The following PSD3 variants were observed in gnomAD, a reference collection of about 807,000 sequenced individuals.
The protein encoded by PSD3 is PH and SEC7 domain-containing protein 3.
PSD3 carries 49 observed loss-of-function variants against 105.5 expected under a neutral mutation model. That is an observed-to-expected ratio of 0.46 (90% CI 0.37 to 0.59). PSD3 has a LOEUF of 0.59. Among genes scored for constraint, PSD3 ranks in the 20% least tolerant of loss-of-function variants. The pLI is 0.00. For synonymous variants in PSD3, 557 were observed against 457.8 expected (o/e 1.22, Z -2.77); for missense variants, 1,561 against 1,263.8 (o/e 1.24, Z -3.57).
chr8:18,850,532 C>T (rs1047152442), intron 4 of PSD3, among the ~76,000 whole-genome samples: 1 of 152,224 alleles, frequency 6.6e-6, no homozygotes, highest in African/African-American at 2.4e-5. Context: ...CAGAAGTCAA[C>T]ATGGCATCTC....
At chr8:18,938,183 T>C (rs554677245) in intron 1 of PSD3, among the ~76,000 whole-genome samples, 131 of 152,258 alleles carry the variant, frequency 8.6e-4, no homozygotes, top group African/African-American at 2.4e-3. Flanking sequence ...GGAAAATGAA[T>C]TGGAGTGAGA....
intron 7 of PSD3, among the ~76,000 whole-genome samples, chr8:18,800,837 G>A (rs953008004): frequency 4.6e-5 from 7 of 152,106 alleles, no homozygotes; most frequent in Non-Finnish European, 7.4e-5. Flanking sequence ...GGATACATGA[G>A]CTTTCATCAA....
chr8:18,752,601 T>C (rs13262834), intron 9 of PSD3, among the ~76,000 whole-genome samples: 1 of 83,626 alleles, frequency 1.2e-5, no homozygotes, highest in African/African-American at 5.7e-5. Context: ...TATTATATAT[T>C]ATATATAATA....
intron 11 of PSD3, among the ~76,000 whole-genome samples, chr8:18,613,505 G>A (rs757958918): frequency 2.0e-5 from 3 of 151,970 alleles, no homozygotes; most frequent in African/African-American, 4.8e-5. Flanking sequence ...ACGTGTCTGC[G>A]AGCCTAATCT....
intron 9 of PSD3, among the ~76,000 whole-genome samples, chr8:18,660,218 G>T (rs1026313831): frequency 1.3e-5 from 2 of 152,060 alleles, no homozygotes; most frequent in African/African-American, 4.8e-5. Flanking sequence ...AGAAAAGAAG[G>T]CAACATGAAG....
At chr8:19,071,386 C>T (rs13267969) in intron 1 of PSD3, among the ~76,000 whole-genome samples, 42,318 of 151,952 alleles carry the variant, frequency 0.28, 6,225 homozygotes, top group South Asian at 0.36. Flanking sequence ...TAATCATATA[C>T]GTTTATGGGG....
At chr8:18,879,057 C>CACAT (rs1554529811) in intron 2 of PSD3, among the ~76,000 whole-genome samples, 1 of 146,058 alleles carries the variant, frequency 6.8e-6, no homozygotes, top group South Asian at 2.2e-4. Flanking sequence ...CACAAACACA[C>CACAT]ACACACACAC....
intron 9 of PSD3, among the ~76,000 whole-genome samples, chr8:18,660,301 G>A (rs543139561): frequency 3.2e-4 from 48 of 152,206 alleles, no homozygotes; most frequent in African/African-American, 1.1e-3. Context: ...TAGAAGAGGC[G>A]AGGAAGAGAC....
chr8:18,619,513 C>T (rs958066800), intron 11 of PSD3, among the ~76,000 whole-genome samples: 5 of 151,932 alleles, frequency 3.3e-5, no homozygotes, highest in Admixed American at 6.6e-5. Context: ...TGTGGTGGTG[C>T]GTGCCTGTAA....
intron 15 of PSD3, among the ~76,000 whole-genome samples, chr8:18,537,723 C>G (rs550577807): frequency 9.2e-4 from 139 of 151,894 alleles, no homozygotes; most frequent in African/African-American, 3.3e-3. Context: ...GTCATCCAGG[C>G]TGGAGTGCAG....
At chr8:18,696,238 A>G (rs1801253824) in intron 9 of PSD3, among the ~76,000 whole-genome samples, 1 of 151,632 alleles carries the variant, frequency 6.6e-6, no homozygotes, top group Non-Finnish European at 1.5e-5. Context: ...CTTCCTTTCC[A>G]CCTCCTCCTC....
chr8:18,953,150 A>G (rs1035615981), intron 1 of PSD3, among the ~76,000 whole-genome samples: 1 of 152,226 alleles, frequency 6.6e-6, no homozygotes, highest in Non-Finnish European at 1.5e-5. Context: ...AACACAGGTT[A>G]AAACAAAGTC....
At chr8:18,689,765 A>C (rs1800870971) in intron 9 of PSD3, among the ~76,000 whole-genome samples, 1 of 152,158 alleles carries the variant, frequency 6.6e-6, no homozygotes, top group Non-Finnish European at 1.5e-5. Flanking sequence ...CAACATATTC[A>C]AGAGGCTAGT....
chr8:18,561,912 C>A (rs1801415628), intron 14 of PSD3, among the ~76,000 whole-genome samples: 1 of 152,126 alleles, frequency 6.6e-6, no homozygotes, highest in Admixed American at 6.5e-5. Flanking sequence ...GTGCAAAGCC[C>A]AGGACCAAGG....
chr8:18,785,207 T>C (rs2129445676), intron 8 of PSD3, among the ~76,000 whole-genome samples: 1 of 152,322 alleles, frequency 6.6e-6, no homozygotes, highest in East Asian at 1.9e-4. Context: ...CTTATATTGA[T>C]TGGAAGTGTT....
At chr8:18,890,021 C>T (rs886874758) in intron 2 of PSD3, among the ~76,000 whole-genome samples, 2 of 152,016 alleles carry the variant, frequency 1.3e-5, no homozygotes, top group African/African-American at 4.8e-5. Context: ...TATTATTGCC[C>T]AACCTGATAT....
At chr8:18,686,102 C>A (rs1418377984) in intron 9 of PSD3, among the ~76,000 whole-genome samples, 1 of 152,144 alleles carries the variant, frequency 6.6e-6, no homozygotes, top group East Asian at 1.9e-4. Context: ...GAATCTGATA[C>A]ATGTCATTTC....
intron 4 of PSD3, among the ~76,000 whole-genome samples, chr8:18,827,104 C>A (rs1233604581): frequency 6.6e-6 from 1 of 152,176 alleles, no homozygotes; most frequent in Non-Finnish European, 1.5e-5. Flanking sequence ...TGCATCCACA[C>A]CTCCTGCCGG....
chr8:19,069,525 C>T (rs1199838476), intron 1 of PSD3, among the ~76,000 whole-genome samples: 1 of 152,156 alleles, frequency 6.6e-6, no homozygotes. Context: ...CGTGGATCTT[C>T]CTTTCTAGTA....
Sources: allele counts gnomAD v4.1 joint callset (sites outside exome capture counted in the v4.1 genomes callset), GRCh38; gene constraint gnomAD v4.1.1; transcripts MANE v1.5; gene names NCBI Gene and HGNC (gene_info 2026-07-23, HGNC 2026-07-21).